TACC2: variants seen among roughly 807,000 people sequenced by gnomAD.
TACC2 encodes the protein transforming acidic coiled-coil containing protein 2.
Under a neutral mutation model 227.3 loss-of-function variants are expected in TACC2, and 137 were observed. The observed-to-expected ratio is 0.60, with a 90% CI of 0.52 to 0.69. The LOEUF is 0.69. Ranked by LOEUF, TACC2 falls within the 30% of genes least tolerant of loss-of-function variation. TACC2 has a pLI of 0.00. For missense variants in TACC2, 3,470 were observed against 3,694.4 expected (o/e 0.94, Z 1.57); for synonymous variants, 1,523 against 1,487.5 (o/e 1.02, Z -0.55).
At chr10:122,096,679 G>C (rs1252433554) in intron 5 of TACC2, among the ~76,000 whole-genome samples, 3 of 139,332 alleles carry the variant, frequency 2.2e-5, no homozygotes, top group Non-Finnish European at 3.0e-5. Flanking sequence ...CTGGGCGACA[G>C]AGCAAAACTC....
rs191872254 is a variant in TACC2 at position 122,062,452 on chromosome 10, C to T, written c.146+11902C>T. 7.0e-4 allele frequency among the ~76,000 whole-genome samples: 105 copies of T among 149,908 alleles called. 1 individual carries two copies. The East Asian group carries it at 0.02, about 29-fold the overall frequency. ...CGGAGTAGCTGGGATTACAGGCATG[C>T]GCCACCACGTCCGGCTAATTTTGAA... On this transcript the variant is annotated intron_variant, in intron 3 of 22. Transcript: ENST00000369005.
intron 5 of TACC2, among the ~76,000 whole-genome samples, chr10:122,123,699 G>T (rs1189601959): frequency 6.6e-6 from 1 of 152,090 alleles, no homozygotes; most frequent in Admixed American, 6.5e-5. Flanking sequence ...AAACTGATGT[G>T]AGCCCCTGGG....
rs745975980 is a variant in TACC2, at chr10:122,160,366, AGTAGT to A, written c.5834+16662_5834+16666del. 3.2e-4 allele frequency among the ~76,000 whole-genome samples: 49 copies of A among 152,152 alleles called. No homozygotes were observed. In the East Asian group the frequency reaches 9.1e-3, roughly 28 times the overall value. Reference sequence around the variant, plus strand: ...GGGTCTCATTAGGGTCGTGCTTAGGAGTAGTGGGGTTCCCTGGATGGCTTAAATAG... The same window carrying A: ...GGGTCTCATTAGGGTCGTGCTTAGGAGGGGTTCCCTGGATGGCTTAAATAG... On this transcript the variant is annotated intron_variant, in intron 7 of 22. Coordinates refer to ENST00000369005, the MANE Select transcript of TACC2 (RefSeq NM_206862.4).
At chr10:122,043,282 G>A (rs1174816163) in intron 2 of TACC2, among the ~76,000 whole-genome samples, 1 of 152,166 alleles carries the variant, frequency 6.6e-6, no homozygotes, top group African/African-American at 2.4e-5. Context: ...ACATCTTTGA[G>A]GTTCCTGAAT....
intron 6 of TACC2, among the ~76,000 whole-genome samples, chr10:122,140,229 C>T (rs532093348): frequency 5.9e-5 from 9 of 152,262 alleles, no homozygotes; most frequent in South Asian, 2.1e-4. Flanking sequence ...ATCTGTGTTG[C>T]GATGGATTCT....
chr10:122,089,967 C>T (rs2080560695), intron 5 of TACC2, among the ~76,000 whole-genome samples: 1 of 152,080 alleles, frequency 6.6e-6, no homozygotes, highest in African/African-American at 2.4e-5. Context: ...TTTCCTGCAG[C>T]CTTTGCTGTT....
At position 122,194,578 on chromosome 10, in the gene TACC2, G is replaced by GT. The variant is rs2094506805; in HGVS notation, c.5835-461dup. Among the ~76,000 whole-genome samples the GT allele has an allele frequency of 6.6e-6, 1 of 152,302 alleles. No homozygotes were observed. The highest frequency in any genetic ancestry group is 6.5e-5 in the Admixed American group (1 of 15,296). On this transcript the variant is annotated intron_variant, in intron 7 of 22. Coordinates refer to ENST00000369005, the MANE Select transcript of TACC2 (RefSeq NM_206862.4). The surrounding 1 kb of genome is among the most constrained non-coding windows in gnomAD (Gnocchi z 4.4). ...TTGAGCTCCGTAGAAGAGAAAGACA[G>GT]TAAACACTACTAGAATAAGTCTATA...
At position 122,083,022 on chromosome 10, in the gene TACC2, AAG is replaced by A. The variant is rs1432349259; in HGVS notation, c.530_531del (p.Arg177ThrfsTer47). The A allele has an allele frequency of 3.1e-6, 5 of 1,612,548 alleles. No homozygotes were observed. The South Asian group carries it at 4.4e-5, about 14-fold the overall frequency. Reference sequence around the variant, plus strand: ...AGATTGCTGCCGTCCCCAGTGCTGGAAGAGAGAGACAGCCGAAGGAAGAAGGA... The same window carrying A: ...AGATTGCTGCCGTCCCCAGTGCTGGAAGAGAGACAGCCGAAGGAAGAAGGA... ...QEIAAVPSAG[R>X]ERQPKEEGQK... On this transcript the variant is annotated frameshift_variant, in exon 4 of 23. Coordinates refer to ENST00000369005, the MANE Select transcript of TACC2 (RefSeq NM_206862.4). LOFTEE classifies it high-confidence loss of function.
intron 5 of TACC2, among the ~76,000 whole-genome samples, chr10:122,091,387 T>C (rs1318411179): frequency 6.6e-6 from 1 of 152,246 alleles, no homozygotes; most frequent in African/African-American, 2.4e-5. Flanking sequence ...TTCTGTTTTT[T>C]CAATGTGGCT....
intron 19 of TACC2, chr10:122,246,595 C>G (rs2096125303): frequency 6.6e-6 from 1 of 152,270 alleles, no homozygotes; most frequent in Non-Finnish European, 1.5e-5. Flanking sequence ...CTCAAACCCT[C>G]TGTTCCGCCT....
intron 8 of TACC2, among the ~76,000 whole-genome samples, chr10:122,206,329 G>T (rs1169757955): frequency 6.6e-6 from 1 of 152,196 alleles, no homozygotes; most frequent in Non-Finnish European, 1.5e-5. Flanking sequence ...TGGTGCTATG[G>T]CCTGAATTGT....
At position 122,084,816 on chromosome 10, in the gene TACC2, G is replaced by A. The variant is rs1350507702; in HGVS notation, c.2316G>A (p.Gln772=). 4 of 1,613,734 alleles carry A rather than the reference G, an allele frequency of 2.5e-6. No homozygotes were observed. In the South Asian group the frequency reaches 4.4e-5, roughly 18 times the overall value. Residue 772 remains glutamine (Q), a synonymous_variant, in exon 4 of 23, where the codon CAG becomes CAA. Coordinates refer to ENST00000369005, the MANE Select transcript of TACC2 (RefSeq NM_206862.4). ...PRGPACDASR[Q]EFHAGVPHPP... is the part of the protein sequence containing the mutation. Reference sequence around the variant, plus strand: ...GGCCGGCGTGTGATGCGTCGAGACAGGAATTTCATGCTGGGGTGCCACATC... The same window carrying A: ...GGCCGGCGTGTGATGCGTCGAGACAAGAATTTCATGCTGGGGTGCCACATC...
At chr10:122,088,622 C>A (rs1274372548) in intron 5 of TACC2, 31 bp downstream of exon 5, 4 of 1,601,734 alleles carry the variant, frequency 2.5e-6, no homozygotes, top group Non-Finnish European at 3.4e-6. Flanking sequence ...TTTGGAAGGC[C>A]ATGATGCCTT....
chr10:122,237,260 T>C (rs908268880), intron 16 of TACC2, 135 bp from the exon 17 acceptor site: 3 of 861,552 alleles, frequency 3.5e-6, no homozygotes, highest in African/African-American at 3.4e-5. Flanking sequence ...CATCAGTCTT[T>C]GCACTTTCTC....
At chr10:122,111,336 G>A (rs896700471) in intron 5 of TACC2, among the ~76,000 whole-genome samples, 1 of 152,218 alleles carries the variant, frequency 6.6e-6, no homozygotes, top group African/African-American at 2.4e-5. Context: ...CTGTCTTGAA[G>A]GATGTGCATC....
At chr10:122,074,258 T>G (rs1000134550) in intron 3 of TACC2, among the ~76,000 whole-genome samples, 2 of 151,666 alleles carry the variant, frequency 1.3e-5, no homozygotes, top group African/African-American at 4.8e-5. Context: ...TTTTTGTATT[T>G]TTAGTAGAGA....
rs1364791853 is a variant in TACC2 at position 122,164,084 on chromosome 10, A to C, written c.5834+20378A>C. ...GTGTCGCCTTTCCTAATGCCTGTGC[A>C]ACCTGGAGCCCAGGCTGGCCTGGGG... On this transcript the variant is annotated intron_variant, in intron 7 of 22. Coordinates refer to ENST00000369005, the MANE Select transcript of TACC2 (RefSeq NM_206862.4). The C allele has an allele frequency of 1.0e-5, 15 of 1,454,290 alleles. No homozygotes were observed. The African/African-American group carries it at 2.1e-4, about 20-fold the overall frequency. 90.1% of individuals were successfully genotyped at this position (1,454,290 alleles called of 1,614,324 possible).
At chr10:122,055,903 T>C (rs2076169564) in intron 3 of TACC2, among the ~76,000 whole-genome samples, 1 of 152,210 alleles carries the variant, frequency 6.6e-6, no homozygotes, top group South Asian at 2.1e-4. Context: ...TCAAGGTCTC[T>C]TGGTCAGCGG....
At chr10:122,154,623 G>A (rs1232202764) in intron 7 of TACC2, among the ~76,000 whole-genome samples, 1 of 152,184 alleles carries the variant, frequency 6.6e-6, no homozygotes, top group Non-Finnish European at 1.5e-5. Flanking sequence ...CACATCAACT[G>A]CTGAAGATCT....
Sources: allele counts gnomAD v4.1 joint callset (sites outside exome capture counted in the v4.1 genomes callset), GRCh38; gene constraint gnomAD v4.1.1; non-coding constraint Gnocchi (gnomAD v3.1); transcripts MANE v1.5; gene names NCBI Gene and HGNC (gene_info 2026-07-23, HGNC 2026-07-21).